DMD: variants seen among roughly 807,000 people sequenced by gnomAD.
The protein encoded by DMD is dystrophin.
In DMD, 63 loss-of-function variants were observed where a neutral mutation model predicts 330.1. The ratio of observed to expected loss-of-function variants is 0.19; its 90% confidence interval spans 0.16 to 0.24. The LOEUF (loss-of-function observed/expected upper bound fraction) is 0.24, where lower values mean the gene tolerates loss of function less well. Among genes scored for constraint, DMD ranks in the 10% least tolerant of loss-of-function variants. The pLI, the probability that DMD is intolerant of heterozygous loss-of-function variation, is 1.00. For synonymous variants in DMD, 1,223 were observed against 959.8 expected (o/e 1.27, Z -5.07); for missense variants, 3,344 against 2,684.1 (o/e 1.25, Z -5.43).
chrX:33,009,737 TAC>T (rs1168477258), intron 2 of DMD, among the ~76,000 whole-genome samples: 2 of 59,004 alleles, frequency 3.4e-5, no homozygotes, highest in Non-Finnish European at 6.2e-5. Flanking sequence ...TATGTGTATA[TAC>T]ACACATATGT....
At chrX:31,336,571 C>A (rs982234532) in intron 61 of DMD, among the ~76,000 whole-genome samples, 7 of 112,373 alleles carry the variant, frequency 6.2e-5, no homozygotes, top group African/African-American at 2.3e-4. Context: ...CCAATAGTGC[C>A]CAGGTCAAGA....
chrX:31,831,763 T>C (rs1367936796), intron 49 of DMD, among the ~76,000 whole-genome samples: 1 of 110,908 alleles, frequency 9.0e-6, no homozygotes, highest in Non-Finnish European at 1.9e-5. Context: ...CAAGCCCGGC[T>C]AATTTTGTTT....
intron 44 of DMD, among the ~76,000 whole-genome samples, chrX:32,107,254 G>T (rs1307462000): frequency 9.1e-6 from 1 of 110,045 alleles, no homozygotes; most frequent in East Asian, 2.9e-4. Context: ...TAAGGCAGTA[G>T]AAAGAGTAAT....
At chrX:32,956,383 C>G (rs1009205246) in intron 2 of DMD, among the ~76,000 whole-genome samples, 3 of 111,705 alleles carry the variant, frequency 2.7e-5, no homozygotes, top group African/African-American at 9.8e-5. Context: ...AGATCTTTCA[C>G]CCCTCTAGTT....
intron 7 of DMD, among the ~76,000 whole-genome samples, chrX:32,786,162 C>T (rs1381798427): frequency 9.2e-6 from 1 of 108,359 alleles, no homozygotes; most frequent in East Asian, 2.9e-4. Context: ...AATCACTTTT[C>T]CAAGAGACTC....
intron 9 of DMD, 49 bp from the exon 10 acceptor site, chrX:32,645,201 T>G (rs370209103): frequency 2.6e-6 from 3 of 1,146,756 alleles, no homozygotes; most frequent in Non-Finnish European, 3.6e-6. Context: ...TCTTTGCAGA[T>G]TGTTCCAGTA....
At chrX:32,625,584 T>TATTTAG (rs2058295918) in intron 11 of DMD, among the ~76,000 whole-genome samples, 1 of 112,407 alleles carries the variant, frequency 8.9e-6, no homozygotes, top group Non-Finnish European at 1.9e-5. Flanking sequence ...TTTAAAATTT[T>TATTTAG]CATTTTCCAT....
intron 48 of DMD, among the ~76,000 whole-genome samples, chrX:31,854,370 G>A (rs762351210): frequency 1.2e-3 from 129 of 111,603 alleles, no homozygotes; most frequent in African/African-American, 4.1e-3. Flanking sequence ...AAGTGATCAG[G>A]CTTTTCATAG....
chrX:32,475,716 T>A (rs1415709001), intron 21 of DMD, among the ~76,000 whole-genome samples: 1 of 111,425 alleles, frequency 9.0e-6, no homozygotes, highest in Non-Finnish European at 1.9e-5. Flanking sequence ...CTGATTTTTG[T>A]ACATTAATCT....
intron 2 of DMD, among the ~76,000 whole-genome samples, chrX:32,971,153 G>T (rs1174812967): frequency 1.8e-5 from 2 of 111,196 alleles, no homozygotes; most frequent in Non-Finnish European, 3.8e-5. Flanking sequence ...GTAGAGATGG[G>T]GTTTCACCAT....
chrX:32,410,239 A>G (rs901430446), intron 30 of DMD, among the ~76,000 whole-genome samples: 2 of 111,419 alleles, frequency 1.8e-5, no homozygotes, highest in Non-Finnish European at 3.8e-5. Flanking sequence ...CTTGTTGCCC[A>G]GTGGAAAACT....
At chrX:31,992,472 C>T (rs1484891950) in intron 44 of DMD, among the ~76,000 whole-genome samples, 1 of 111,263 alleles carries the variant, frequency 9.0e-6, no homozygotes, top group Admixed American at 9.6e-5. Flanking sequence ...CTGAAGTTAT[C>T]CCTCATCATT....
rs2060006027 is a variant in DMD at position 32,190,073 on chromosome X, A to G, written c.6438+26843T>C. Among the ~76,000 whole-genome samples, 5 of 110,474 alleles carry G rather than the reference A, an allele frequency of 4.5e-5. No individual in the cohort carries two copies. The Admixed American group carries it at 4.9e-4, about 11-fold the overall frequency. The stretch of plus-strand genomic sequence containing the variant: ...GGGATGATTTTGCTCCCCAAGGGAC[A>G]TTTGGAAATGTCTGGGACAAATTTG... On this transcript the variant is annotated intron_variant, in intron 44 of 78. Transcript: ENST00000357033.
intron 49 of DMD, among the ~76,000 whole-genome samples, chrX:31,831,794 G>T (rs1262055816): frequency 1.8e-5 from 2 of 111,538 alleles, no homozygotes; most frequent in Admixed American, 9.5e-5. Flanking sequence ...AGTAGAGATG[G>T]GGTTTCACCA....
intron 51 of DMD, among the ~76,000 whole-genome samples, chrX:31,751,220 G>A (rs1603459645): frequency 9.0e-6 from 1 of 110,733 alleles, no homozygotes; most frequent in South Asian, 3.9e-4. Flanking sequence ...CAAAGCTGGA[G>A]GCATCACGCT....
intron 2 of DMD, among the ~76,000 whole-genome samples, chrX:32,921,483 G>A (rs1782477341): frequency 9.0e-6 from 1 of 111,201 alleles, no homozygotes; most frequent in African/African-American, 3.3e-5. Flanking sequence ...CGTTTTTTAT[G>A]GTATGAGGAA....
intron 17 of DMD, among the ~76,000 whole-genome samples, chrX:32,531,099 G>C (rs180918362): frequency 2.2e-4 from 25 of 111,189 alleles, no homozygotes; most frequent in African/African-American, 6.8e-4. Flanking sequence ...AATTTTCATG[G>C]AAGTTTTACT....
chrX:32,983,027 G>C (rs1463492422), intron 2 of DMD, among the ~76,000 whole-genome samples: 1 of 111,957 alleles, frequency 8.9e-6, no homozygotes, highest in Non-Finnish European at 1.9e-5. Flanking sequence ...TAGCTCACCT[G>C]TCTCTTCCTA....
chrX:32,481,424 A>G (rs2041886128), intron 21 of DMD, among the ~76,000 whole-genome samples: 1 of 111,360 alleles, frequency 9.0e-6, no homozygotes, highest in Non-Finnish European at 1.9e-5. Context: ...AAATACAACT[A>G]AGGGTACTTA....
Sources: allele counts gnomAD v4.1 joint callset (sites outside exome capture counted in the v4.1 genomes callset), GRCh38; gene constraint gnomAD v4.1.1; transcripts MANE v1.5; gene names NCBI Gene and HGNC (gene_info 2026-07-23, HGNC 2026-07-21).